The following ARHGEF10 variants were observed in gnomAD, a reference collection of about 807,000 sequenced individuals.
The protein encoded by ARHGEF10 is Rho guanine nucleotide exchange factor 10.
A neutral mutation model predicts 147.4 loss-of-function variants in ARHGEF10; 140 were observed. The observed-to-expected ratio is 0.95, with a 90% CI of 0.83 to 1.09. The LOEUF (loss-of-function observed/expected upper bound fraction) is 1.09. Ranked by LOEUF, ARHGEF10 falls within the 50% of genes least tolerant of loss-of-function variation. ARHGEF10 has a pLI of 0.00. For synonymous variants in ARHGEF10, 902 were observed against 695.8 expected (o/e 1.30, Z -4.67); for missense variants, 2,222 against 1,752.7 (o/e 1.27, Z -4.78).
At chr8:1,846,612 C>T (rs926324721) in intron 2 of ARHGEF10, among the ~76,000 whole-genome samples, 3 of 152,022 alleles carry the variant, frequency 2.0e-5, no homozygotes, top group African/African-American at 7.2e-5. Flanking sequence ...GAGTCTCGCT[C>T]TCTCACCCAG....
rs922824329 is a variant in ARHGEF10 at position 1,889,614 on chromosome 8, G to A, written c.1182+3907G>A. 7.6e-3 allele frequency among the ~76,000 whole-genome samples: 392 copies of A among 51,636 alleles called. 3 individuals are homozygous for A. Among genetic ancestry groups the A allele is most frequent in the East Asian group, 0.054 (22 of 408 alleles). The allele number at this position is 51,636 out of a possible 152,430, so 33.9% of individuals were successfully genotyped here. On this transcript the variant is annotated intron_variant, in intron 11 of 28. Coordinates refer to ENST00000349830, the MANE Select transcript of ARHGEF10 (RefSeq NM_014629.4). Reference sequence around the variant, plus strand: ...GTGAGGAGACACTGAGTGTGGGTGAGGGGTCTGTGAGGAGTCATGGAGTGT... The same window carrying A: ...GTGAGGAGACACTGAGTGTGGGTGAAGGGTCTGTGAGGAGTCATGGAGTGT...
Position 1,923,043 on chromosome 8 carries a change from C to G in ARHGEF10, c.2223C>G (p.Ile741Met). 5 of 1,613,196 alleles carry G rather than the reference C, an allele frequency of 3.1e-6. No homozygotes were observed. The highest frequency in any genetic ancestry group is 4.2e-6 in the Non-Finnish European group (5 of 1,179,614). The change falls in exon 19 of 29, where the codon ATC becomes ATG. Residue 741 changes from isoleucine to methionine, a missense_variant. By Grantham distance (10) the Ile-to-Met change is conservative. Transcript: ENST00000349830. ...ATGACTTAAATGTAATTGGCCAAATCACTCAGCTGATAGGAAACCTTAAAG... is the reference window on the plus strand; with the variant it reads ...ATGACTTAAATGTAATTGGCCAAATGACTCAGCTGATAGGAAACCTTAAAG... ...LLHDLNVIGQITQLIGNLKGN... is the reference protein window; with the variant it reads ...LLHDLNVIGQMTQLIGNLKGN...
chr8:1,911,944 CGA>C (rs1811390109), intron 18 of ARHGEF10, among the ~76,000 whole-genome samples: 1 of 152,172 alleles, frequency 6.6e-6, no homozygotes, highest in South Asian at 2.1e-4. Context: ...TAAATTATAT[CGA>C]GAAGCTAAGT....
chr8:1,918,866 TG>T (rs1811966672), intron 18 of ARHGEF10, among the ~76,000 whole-genome samples: 15 of 151,154 alleles, frequency 9.9e-5, no homozygotes, highest in African/African-American at 3.2e-4. Flanking sequence ...ATGTGGATGA[TG>T]GAGCTGCTTT....
chr8:1,864,823 CAGTGCTCTTGCCCCAGTTTAA>C (rs1806449212), intron 5 of ARHGEF10, among the ~76,000 whole-genome samples: 1 of 152,196 alleles, frequency 6.6e-6, no homozygotes, highest in African/African-American at 2.4e-5. Flanking sequence ...GCCACTAGAG[CAGTGCTCTTGCCCCAGTTTAA>C]ACAGAGTTGT....
chr8:1,827,511 G>A (rs1802839228), intron 1 of ARHGEF10, among the ~76,000 whole-genome samples: 1 of 152,130 alleles, frequency 6.6e-6, no homozygotes, highest in Admixed American at 6.5e-5. Flanking sequence ...TTGCCATGTT[G>A]GCCAGGCTGG....
chr8:1,936,157 C>T (rs1451424187), intron 26 of ARHGEF10, among the ~76,000 whole-genome samples: 3 of 152,156 alleles, frequency 2.0e-5, no homozygotes, highest in African/African-American at 7.2e-5. Context: ...ACCCCACTGT[C>T]CCTAAACAAA....
In ARHGEF10 at chr8:1,833,328, A is replaced by AGAGG. The variant is rs1395953835; in HGVS notation, c.-48+9218_-48+9219insGGAG. On this transcript the variant is annotated intron_variant, in intron 1 of 28. Coordinates refer to ENST00000349830, the MANE Select transcript of ARHGEF10 (RefSeq NM_014629.4). ...GGCAGAGACAGAAGCAGAGGGAGAC[A>AGAGG]GAGACAGAGGCAGAGACAGAGGCAG... Among the ~76,000 whole-genome samples, 27 of 98,790 alleles carry AGAGG rather than the reference A, an allele frequency of 2.7e-4. 1 individual carries two copies. Among genetic ancestry groups the AGAGG allele is most frequent in the African/African-American group, 1.0e-3 (25 of 24,808 alleles). 64.8% of individuals were successfully genotyped at this position (98,790 alleles called of 152,430 possible).
intron 16 of ARHGEF10, among the ~76,000 whole-genome samples, chr8:1,904,921 G>A (rs1021851022): frequency 6.6e-6 from 1 of 152,100 alleles, no homozygotes; most frequent in African/African-American, 2.4e-5. Flanking sequence ...AGGAGTTCCG[G>A]ACCAGCCTAA....
chr8:1,857,825 C>T (rs985174030), intron 2 of ARHGEF10, 135 bp from the exon 3 acceptor site: 11 of 797,824 alleles, frequency 1.4e-5, no homozygotes, highest in East Asian at 2.7e-5. Flanking sequence ...TAACTACAAG[C>T]GCAGTACAGC....
intron 18 of ARHGEF10, among the ~76,000 whole-genome samples, chr8:1,917,318 G>T (rs1811833173): frequency 6.6e-6 from 1 of 152,178 alleles, no homozygotes; most frequent in African/African-American, 2.4e-5. Context: ...AAACAGTTTT[G>T]TACATTTGCC....
rs778226698 is a variant in ARHGEF10, at chr8:1,928,471, G to T, written c.2742G>T (p.Ser914=). 1.2e-6 allele frequency: 2 copies of T among 1,614,088 alleles called. No individual in the cohort carries two copies. The highest frequency in any genetic ancestry group is 8.5e-7 in the Non-Finnish European group (1 of 1,180,008). The change falls in exon 24 of 29, where the codon TCG becomes TCT. Residue 914 remains serine, a synonymous_variant. Coordinates refer to ENST00000349830, the MANE Select transcript of ARHGEF10 (RefSeq NM_014629.4). ...AAATGGGTCAGATTGCCATCGTCTC[G>T]TTTCAAAATTCCACTCCCAAAGTCA... ...THQMGQIAIV[S]FQNSTPKVIE... is the part of the protein sequence containing the mutation.
chr8:1,953,847 C>A (rs1017023209), intron 28 of ARHGEF10, among the ~76,000 whole-genome samples: 2 of 152,164 alleles, frequency 1.3e-5, no homozygotes, highest in African/African-American at 4.8e-5. Flanking sequence ...GGGGGAAATA[C>A]TAACAGAGAA....
At chr8:1,949,803 C>T (rs1814882859) in intron 27 of ARHGEF10, among the ~76,000 whole-genome samples, 2 of 152,128 alleles carry the variant, frequency 1.3e-5, no homozygotes, top group African/African-American at 2.4e-5. Context: ...CAGCCTTTCT[C>T]GGTGGCCGGT....
chr8:1,850,833 G>A (rs1805077165), intron 2 of ARHGEF10, among the ~76,000 whole-genome samples: 1 of 152,154 alleles, frequency 6.6e-6, no homozygotes, highest in Non-Finnish European at 1.5e-5. Flanking sequence ...TGGATAAACT[G>A]GGGCCCATTC....
intron 2 of ARHGEF10, among the ~76,000 whole-genome samples, chr8:1,844,360 A>ATCCAGGGGTCACCGGGGCCTGGTAGAT (rs1267610717): frequency 6.6e-6 from 1 of 152,104 alleles, no homozygotes; most frequent in Non-Finnish European, 1.5e-5. Flanking sequence ...TAGATGACAA[A>ATCCAGGGGTCACCGGGGCCTGGTAGAT]GACAGGAGAA....
Position 1,894,529 on chromosome 8 carries a change from A to C in ARHGEF10, c.1397A>C (p.Glu466Ala). 2 of 1,614,118 alleles carry C rather than the reference A, an allele frequency of 1.2e-6. No individual in the cohort carries two copies. Among genetic ancestry groups the C allele is most frequent in the Non-Finnish European group, 8.5e-7 (1 of 1,180,022 alleles). The change falls in exon 13 of 29, where the codon GAG becomes GCG. Residue 466 changes from glutamate (E) to alanine (A), a missense_variant. Coordinates refer to ENST00000349830, the MANE Select transcript of ARHGEF10 (RefSeq NM_014629.4). Reference sequence around the variant, plus strand: ...ATCGCGCTGGCCAGCCGCGTTTCCGAGTGGGACTCCGTGGAAATGATAGGC... The same window carrying C: ...ATCGCGCTGGCCAGCCGCGTTTCCGCGTGGGACTCCGTGGAAATGATAGGC... The part of the protein sequence containing the change: ...FQIALASRVS[E>A]WDSVEMIGDV...
chr8:1,950,001 C>T (rs547539983), intron 27 of ARHGEF10, among the ~76,000 whole-genome samples: 7 of 152,236 alleles, frequency 4.6e-5, no homozygotes, highest in Non-Finnish European at 1.0e-4. Context: ...GCCTCCAGGG[C>T]GGGAGATGCG....
intron 27 of ARHGEF10, among the ~76,000 whole-genome samples, chr8:1,950,060 T>C (rs1814904727): frequency 6.6e-6 from 1 of 151,836 alleles, no homozygotes; most frequent in Admixed American, 6.6e-5. Flanking sequence ...CCCCACGGAG[T>C]CACCATCCAG....
Sources: allele counts gnomAD v4.1 joint callset (sites outside exome capture counted in the v4.1 genomes callset), GRCh38; gene constraint gnomAD v4.1.1; transcripts MANE v1.5; gene names NCBI Gene and HGNC (gene_info 2026-07-23, HGNC 2026-07-21).